The following EVI2B variants were observed in gnomAD, a reference collection of about 807,000 sequenced individuals.
EVI2B encodes the protein ecotropic viral integration site 2B.
A neutral mutation model predicts 6.6 loss-of-function variants in EVI2B; 4 were observed. That is an observed-to-expected ratio of 0.61 (90% CI 0.30 to 1.39). EVI2B has a LOEUF of 1.39. Ranked by LOEUF, EVI2B falls within the 40% of genes most tolerant of loss-of-function variation. The probability of loss-of-function intolerance (pLI) is 0.08; values close to 1 mark genes in which losing one functional copy is unlikely to be tolerated. For missense variants in EVI2B, 484 were observed against 516.6 expected (o/e 0.94, Z 0.61); for synonymous variants, 181 against 186.8 (o/e 0.97, Z 0.25).
At chr17:31,312,535 A>G (rs1844531015) in intron 1 of EVI2B, among the ~76,000 whole-genome samples, 2 of 151,800 alleles carry the variant, frequency 1.3e-5, no homozygotes, top group African/African-American at 2.4e-5. Context: ...AAAAAAAAAA[A>G]GTATGGGATT....
chr17:31,305,879 A>G (rs1039835047), intron 1 of EVI2B, among the ~76,000 whole-genome samples: 2 of 152,162 alleles, frequency 1.3e-5, no homozygotes, highest in Non-Finnish European at 2.9e-5. Context: ...CTCTTCTTTT[A>G]TTAATACAAG....
At position 31,305,275 on chromosome 17, in the gene EVI2B, A is replaced by T. The variant is rs532544954; in HGVS notation, c.335T>A (p.Ile112Lys). 3 of 1,613,956 alleles carry T rather than the reference A, an allele frequency of 1.9e-6. No homozygotes were observed. In the East Asian group the frequency reaches 6.7e-5, roughly 36 times the overall value. Residue 112 changes from isoleucine (I) to lysine (K), a missense_variant, in exon 2 of 2, where the codon ATA (isoleucine) becomes AAA (lysine). Coordinates refer to ENST00000330927, the MANE Select transcript of EVI2B (RefSeq NM_006495.4). ...GGCTTGCTGGGAGGAGGTGTTGGCT[A>T]TTGGTGTTGGTTGTTTGGTGTTGTA... The part of the protein sequence containing the change: ...LAYNTKQPTP[I>K]ANTSSQQAVF...
At chr17:31,312,222 G>A (rs1489225852) in intron 1 of EVI2B, among the ~76,000 whole-genome samples, 1 of 152,040 alleles carries the variant, frequency 6.6e-6, no homozygotes, top group African/African-American at 2.4e-5. Flanking sequence ...TTAAAAACAT[G>A]TATGGGACCA....
At position 31,309,057 on chromosome 17, in the gene EVI2B, G is replaced by A. The variant is rs147556135; in HGVS notation, c.-21-3427C>T. Among the ~76,000 whole-genome samples, 111 of 152,150 alleles carry A rather than the reference G, an allele frequency of 7.3e-4. 1 individual carries two copies. The highest frequency in any genetic ancestry group is 2.6e-3 in the African/African-American group (107 of 41,522). On this transcript the variant is annotated intron_variant, in intron 1 of 1. Transcript: ENST00000330927. ...AAATGACTTTATAAGGAAGGTAAAG[G>A]GATCCCTTATTTACAGATAAAGAGA...
Position 31,304,456 on chromosome 17 carries a change from C to T in EVI2B, c.1154G>A (p.Gly385Glu), listed in dbSNP as rs543896967. Residue 385 changes from glycine to glutamate, a missense_variant, in exon 2 of 2, where the codon GGA (glycine) becomes GAA (glutamate). By Grantham distance (98) the Gly-to-Glu change is moderately conservative. Coordinates refer to ENST00000330927, the MANE Select transcript of EVI2B (RefSeq NM_006495.4). ...PSLDCLNQDC[G>E]DHKSEIIQSF... ...TTGTATTATCTCAGATTTATGATCT[C>T]CACAGTCTTGATTGAGACAGTCCAG... The T allele has an allele frequency of 5.6e-6, 9 of 1,614,068 alleles. No homozygotes were observed. In the African/African-American group the frequency reaches 6.7e-5, roughly 12 times the overall value.
intron 1 of EVI2B, among the ~76,000 whole-genome samples, chr17:31,313,720 ATATGTG>A (rs1297661138): frequency 3.0e-5 from 3 of 101,238 alleles, no homozygotes; most frequent in African/African-American, 1.1e-4. Flanking sequence ...AAAAAAAAAA[ATATGTG>A]TGTGTGTGTG....
chr17:31,309,500 A>T (rs1224593232), intron 1 of EVI2B, among the ~76,000 whole-genome samples: 1 of 152,180 alleles, frequency 6.6e-6, no homozygotes, highest in East Asian at 1.9e-4. Flanking sequence ...ATTCTTATAG[A>T]TTACAAAAAA....
chr17:31,313,724 G>A (rs55970504), intron 1 of EVI2B, among the ~76,000 whole-genome samples: 1,856 of 23,724 alleles, frequency 0.078, 33 homozygotes, highest in African/African-American at 0.21. Flanking sequence ...AAAAAAATAT[G>A]TGTGTGTGTG....
chr17:31,307,806 A>G (rs778326172), intron 1 of EVI2B: 5 of 988,846 alleles, frequency 5.1e-6, no homozygotes, highest in Non-Finnish European at 7.0e-6. Flanking sequence ...ATTAGAAACT[A>G]TAGTTCTTCT....
At chr17:31,306,641 C>T (rs1176321834) in intron 1 of EVI2B, among the ~76,000 whole-genome samples, 1 of 152,080 alleles carries the variant, frequency 6.6e-6, no homozygotes, top group African/African-American at 2.4e-5. Flanking sequence ...TAAAGAATTT[C>T]ATTCAACTCA....
At chr17:31,306,709 C>T (rs756140144) in intron 1 of EVI2B, among the ~76,000 whole-genome samples, 1 of 151,784 alleles carries the variant, frequency 6.6e-6, no homozygotes, top group Non-Finnish European at 1.5e-5. Context: ...AAATTCAATC[C>T]AGTTGGTCAA....
chr17:31,306,496 C>T (rs1202745652), intron 1 of EVI2B, among the ~76,000 whole-genome samples: 1 of 152,176 alleles, frequency 6.6e-6, no homozygotes, highest in Non-Finnish European at 1.5e-5. Context: ...CAACTGACAA[C>T]TGACTCTTCT....
chr17:31,304,912 A>G lies in EVI2B; in HGVS notation c.698T>C (p.Leu233Ser). ...TCTACCTGCCCAATTTTGATCATTT[A>G]AAACTGGTTTCCTTAAGCATTTCCA... ...VLWKCLRKPV[L>S]NDQNWAGRSP... Residue 233 changes from leucine (L) to serine (S), a missense_variant, in exon 2 of 2, where the codon TTA (leucine) becomes TCA (serine). Leu to Ser is a moderately radical substitution (Grantham distance 145). Transcript: ENST00000330927. The G allele has an allele frequency of 6.2e-7, 1 of 1,614,172 alleles. No individual in the cohort carries two copies. The highest frequency in any genetic ancestry group is 8.5e-7 in the Non-Finnish European group (1 of 1,180,040).
chr17:31,311,310 T>C (rs1332478690), intron 1 of EVI2B, among the ~76,000 whole-genome samples: 3 of 152,096 alleles, frequency 2.0e-5, no homozygotes, highest in African/African-American at 7.2e-5. Flanking sequence ...GCATTTAAAA[T>C]TGATGCTGTT....
At chr17:31,310,598 G>C (rs1477948878) in intron 1 of EVI2B, among the ~76,000 whole-genome samples, 1 of 152,022 alleles carries the variant, frequency 6.6e-6, no homozygotes, top group African/African-American at 2.4e-5. Context: ...TTCATTTCAG[G>C]CTCTCCTGTC....
intron 1 of EVI2B, among the ~76,000 whole-genome samples, chr17:31,307,234 C>T (rs907846736): frequency 6.6e-6 from 1 of 151,620 alleles, no homozygotes; most frequent in African/African-American, 2.4e-5. Flanking sequence ...GTTGGCCAGG[C>T]TGCTCGAGAA....
At chr17:31,308,540 G>A (rs1210234881) in intron 1 of EVI2B, among the ~76,000 whole-genome samples, 2 of 152,112 alleles carry the variant, frequency 1.3e-5, no homozygotes, top group African/African-American at 2.4e-5. Flanking sequence ...CCAGCCAAAT[G>A]CATCCCTTTC....
In EVI2B at chr17:31,304,100, T is replaced by A. The variant is rs17879264; in HGVS notation, c.*163A>T. ...TAGATTACTGTTAAATAACTTTTTT[T>A]AAAAAAAAGTTTCATCTATGCACAT... On this transcript the variant is annotated 3_prime_UTR_variant, in exon 2 of 2. Transcript: ENST00000330927. 16,527 of 604,980 alleles carry A rather than the reference T, an allele frequency of 0.027. 917 individuals carry two copies. The highest frequency in any genetic ancestry group is 0.17 in the African/African-American group (9,212 of 53,752). 37.5% of individuals were successfully genotyped at this position (604,980 alleles called of 1,614,324 possible).
rs2068675619 is a variant in EVI2B at position 31,305,062 on chromosome 17, C to G, written c.548G>C (p.Gly183Ala). 4 of 1,613,912 alleles carry G rather than the reference C, an allele frequency of 2.5e-6. No homozygotes were observed. Among genetic ancestry groups the G allele is most frequent in the Non-Finnish European group, 3.4e-6 (4 of 1,179,996 alleles). ...GTTACTGGTAGTATCTAAGATAAAT[C>G]CTGGTGTACTCCTAGGTGAATTTTT... ...TVKNSPRSTP[G>A]FILDTTSNKQ... is the part of the protein sequence containing the mutation. Residue 183 changes from glycine to alanine, a missense_variant, in exon 2 of 2, where the codon GGA becomes GCA. By Grantham distance (60) the Gly-to-Ala change is moderately conservative. Transcript: ENST00000330927.
Sources: gnomAD v4.1 joint callset for allele counts (sites outside exome capture counted in the v4.1 genomes callset) on GRCh38, gnomAD v4.1.1 for gene constraint, MANE v1.5 for transcripts, NCBI Gene and HGNC (gene_info 2026-07-23, HGNC 2026-07-21) for gene names.